The following MYO3B variants were observed in gnomAD, a reference collection of about 807,000 sequenced individuals.
MYO3B encodes the protein myosin IIIB, also known as myosin-IIIb.
A neutral mutation model predicts 174.6 loss-of-function variants in MYO3B; 156 were observed. The ratio of observed to expected loss-of-function variants is 0.89; its 90% CI spans 0.78 to 1.02. The LOEUF is 1.02. Ranked by LOEUF, MYO3B falls within the 50% of genes least tolerant of loss-of-function variation. The pLI is 0.00. For missense variants in MYO3B, 1,632 were observed against 1,639.4 expected, an observed-to-expected ratio of 1.00 and a Z score of 0.08; for synonymous variants, 563 against 569.1, an observed-to-expected ratio of 0.99 and a Z score of 0.15.
chr2:170,244,132 G>A (rs1255060213), intron 7 of MYO3B, among the ~76,000 whole-genome samples: 2 of 152,124 alleles, frequency 1.3e-5, no homozygotes, highest in Non-Finnish European at 2.9e-5. Flanking sequence ...CAGTTTTTGT[G>A]GTGGTTTTGT....
intron 22 of MYO3B, among the ~76,000 whole-genome samples, chr2:170,429,849 T>G (rs2094694433): frequency 6.6e-6 from 1 of 152,176 alleles, no homozygotes; most frequent in Non-Finnish European, 1.5e-5. Context: ...AGAGATTTAT[T>G]CTAACACTCA....
chr2:170,519,413 T>G, intron 29 of MYO3B, 25 bp from the exon 30 acceptor site: 1 of 1,600,720 alleles, frequency 6.2e-7, no homozygotes, highest in Non-Finnish European at 8.6e-7. Flanking sequence ...GAACATATGC[T>G]TAGCCCTCCT....
intron 22 of MYO3B, chr2:170,411,766 C>T (rs1262154815): frequency 6.6e-6 from 1 of 152,252 alleles, no homozygotes; most frequent in Non-Finnish European, 1.5e-5. Context: ...GGCCCAAGGT[C>T]ACCAGGAGAC....
intron 32 of MYO3B, among the ~76,000 whole-genome samples, chr2:170,606,101 G>T (rs1352080717): frequency 6.6e-6 from 1 of 152,002 alleles, no homozygotes; most frequent in Non-Finnish European, 1.5e-5. Context: ...CTTCCCCTTT[G>T]TGTCAGTACG....
At chr2:170,279,497 T>C (rs1457147514) in intron 7 of MYO3B, among the ~76,000 whole-genome samples, 1 of 152,048 alleles carries the variant, frequency 6.6e-6, no homozygotes, top group Non-Finnish European at 1.5e-5. Context: ...GGGGTACATG[T>C]GAAGGTTTGT....
chr2:170,467,749 C>G (rs1249261095), intron 25 of MYO3B, among the ~76,000 whole-genome samples: 1 of 141,846 alleles, frequency 7.0e-6, no homozygotes, highest in Non-Finnish European at 1.5e-5. Context: ...GAGGATGAGT[C>G]ATAAATATGG....
intron 7 of MYO3B, among the ~76,000 whole-genome samples, chr2:170,321,943 G>A (rs2093830012): frequency 6.6e-6 from 1 of 151,768 alleles, no homozygotes; most frequent in South Asian, 2.1e-4. Flanking sequence ...GTGAAACCCC[G>A]TATCTACTAA....
At chr2:170,285,934 G>T (rs2093553193) in intron 7 of MYO3B, among the ~76,000 whole-genome samples, 1 of 151,784 alleles carries the variant, frequency 6.6e-6, no homozygotes, top group Non-Finnish European at 1.5e-5. Flanking sequence ...AAAGCCAATT[G>T]TTCCAATATC....
At chr2:170,531,795 G>A (rs1689367930) in intron 30 of MYO3B, among the ~76,000 whole-genome samples, 1 of 152,068 alleles carries the variant, frequency 6.6e-6, no homozygotes, top group African/African-American at 2.4e-5. Flanking sequence ...ATGGAAGGAA[G>A]GAAGGAAGGA....
intron 32 of MYO3B, among the ~76,000 whole-genome samples, chr2:170,637,700 G>T (rs1322357575): frequency 6.6e-6 from 1 of 152,180 alleles, no homozygotes; most frequent in Non-Finnish European, 1.5e-5. Context: ...TGACCCTGAA[G>T]AACTGAAATT....
chr2:170,311,308 A>G (rs1298766581), intron 7 of MYO3B, among the ~76,000 whole-genome samples: 2 of 152,000 alleles, frequency 1.3e-5, no homozygotes, highest in Non-Finnish European at 2.9e-5. Context: ...TAGCCATCCT[A>G]GTGGGTGTAA....
At position 170,367,848 on chromosome 2, in the gene MYO3B, T is replaced by G. The variant is rs75375063; in HGVS notation, c.816-1374T>G. On this transcript the variant is annotated intron_variant, in intron 8 of 34. Transcript: ENST00000408978. Reference sequence around the variant, plus strand: ...CTGAACCTATAAAAGTCAAATGATGTATTTCTTCCCATGGCAAGGCAGAGG... The same window carrying G: ...CTGAACCTATAAAAGTCAAATGATGGATTTCTTCCCATGGCAAGGCAGAGG... Among the ~76,000 whole-genome samples, 516 of 152,302 alleles carry G rather than the reference T, an allele frequency of 3.4e-3. 1 individual carries two copies. The highest frequency in any genetic ancestry group is 0.012 in the African/African-American group (498 of 41,566).
intron 22 of MYO3B, among the ~76,000 whole-genome samples, chr2:170,438,115 A>G (rs1412776274): frequency 6.6e-6 from 1 of 152,120 alleles, no homozygotes; most frequent in Non-Finnish European, 1.5e-5. Context: ...GACAGCTACC[A>G]TTCTACTCTC....
chr2:170,427,535 G>C (rs899486225), intron 22 of MYO3B, among the ~76,000 whole-genome samples: 3 of 152,186 alleles, frequency 2.0e-5, no homozygotes, highest in Non-Finnish European at 4.4e-5. Context: ...TAAGAAATGT[G>C]TGTGCATGGG....
At chr2:170,298,123 T>C (rs951763978) in intron 7 of MYO3B, among the ~76,000 whole-genome samples, 1 of 152,196 alleles carries the variant, frequency 6.6e-6, no homozygotes, top group African/African-American at 2.4e-5. Flanking sequence ...TTCTAGAGAA[T>C]TAGAATTATT....
intron 1 of MYO3B, among the ~76,000 whole-genome samples, chr2:170,181,098 T>C (rs2092393350): frequency 6.6e-6 from 1 of 152,184 alleles, no homozygotes; most frequent in African/African-American, 2.4e-5. Flanking sequence ...TGTATGTCTA[T>C]CTACTTCAAG....
At chr2:170,525,576 C>CA (rs1688946051) in intron 30 of MYO3B, among the ~76,000 whole-genome samples, 1 of 152,186 alleles carries the variant, frequency 6.6e-6, no homozygotes. Flanking sequence ...AACACACCCC[C>CA]AGTGAAGCTG....
chr2:170,221,114 A>G (rs532069748), intron 6 of MYO3B, among the ~76,000 whole-genome samples: 7 of 152,126 alleles, frequency 4.6e-5, no homozygotes, highest in Non-Finnish European at 1.0e-4. Context: ...ATAATCAGTA[A>G]TGGTTCAAAT....
chr2:170,467,029 G>T (rs1237551976), intron 25 of MYO3B, among the ~76,000 whole-genome samples: 1 of 152,174 alleles, frequency 6.6e-6, no homozygotes, highest in African/African-American at 2.4e-5. Context: ...AAGTGGGCCG[G>T]ATTTGAATGC....
Sources: gnomAD v4.1 joint callset for allele counts (sites outside exome capture counted in the v4.1 genomes callset) on GRCh38, gnomAD v4.1.1 for gene constraint, MANE v1.5 for transcripts, NCBI Gene and HGNC (gene_info 2026-07-23, HGNC 2026-07-21) for gene names.